Variants in MGAT4C observed in about 807,000 individuals in gnomAD.
MGAT4C encodes alpha-1,3-mannosyl-glycoprotein 4-beta-N-acetylglucosaminyltransferase C.
A neutral mutation model predicts 40.1 loss-of-function variants in MGAT4C; 19 were observed. The ratio of observed to expected loss-of-function variants is 0.47; its 90% CI spans 0.33 to 0.70. The LOEUF (loss-of-function observed/expected upper bound fraction) is 0.70, where lower values mean the gene tolerates loss of function less well. MGAT4C is among the 30% of genes least tolerant of loss of function. MGAT4C has a pLI of 0.02. For missense variants in MGAT4C, 491 were observed against 563.2 expected (o/e 0.87, Z 1.30); for synonymous variants, 181 against 187.1 (o/e 0.97, Z 0.27).
intron 2 of MGAT4C, among the ~76,000 whole-genome samples, chr12:86,474,769 G>A (rs1012939146): frequency 1.3e-5 from 2 of 151,986 alleles, no homozygotes; most frequent in African/African-American, 2.4e-5. Context: ...GATTAATGGC[G>A]AATTCAATGC....
intron 1 of MGAT4C, among the ~76,000 whole-genome samples, chr12:86,181,561 C>A (rs1279194180): frequency 6.6e-6 from 1 of 152,086 alleles, no homozygotes; most frequent in African/African-American, 2.4e-5. Context: ...GCTCAAGGAT[C>A]CTAAGTATAT....
At chr12:86,791,200 T>A (rs1346337843) in intron 1 of MGAT4C, among the ~76,000 whole-genome samples, 2 of 151,966 alleles carry the variant, frequency 1.3e-5, no homozygotes, top group Non-Finnish European at 2.9e-5. Flanking sequence ...CAAAAACAGG[T>A]GCCAAAAATT....
intron 2 of MGAT4C, among the ~76,000 whole-genome samples, chr12:86,664,798 A>C (rs896449007): frequency 6.6e-6 from 1 of 152,194 alleles, no homozygotes; most frequent in Non-Finnish European, 1.5e-5. Context: ...ATAGAAAAAA[A>C]CAATTCCGGT....
intron 2 of MGAT4C, among the ~76,000 whole-genome samples, chr12:86,699,621 C>T (rs1012328251): frequency 6.6e-6 from 1 of 151,920 alleles, no homozygotes; most frequent in Non-Finnish European, 1.5e-5. Context: ...GTTTTGATAC[C>T]CCATAAACTT....
intron 2 of MGAT4C, among the ~76,000 whole-genome samples, chr12:86,603,772 A>ATAC (rs1281772944): frequency 8.1e-5 from 6 of 73,892 alleles, no homozygotes; most frequent in African/African-American, 2.6e-4. Context: ...TAGTATAATT[A>ATAC]TATATACTAT....
intron 2 of MGAT4C, among the ~76,000 whole-genome samples, chr12:86,675,002 A>G (rs1038397780): frequency 3.9e-5 from 6 of 152,152 alleles, no homozygotes; most frequent in African/African-American, 1.4e-4. Context: ...TTTTACCTTC[A>G]TTATAACATA....
chr12:86,760,998 A>C (rs1274425695), intron 1 of MGAT4C, among the ~76,000 whole-genome samples: 2 of 152,214 alleles, frequency 1.3e-5, no homozygotes, highest in African/African-American at 4.8e-5. Context: ...GGGTATGTTC[A>C]CTATCTTAAT....
intron 1 of MGAT4C, among the ~76,000 whole-genome samples, chr12:86,221,941 AC>A (rs1950894669): frequency 6.6e-6 from 1 of 152,240 alleles, no homozygotes; most frequent in South Asian, 2.1e-4. Context: ...ACAAACATAC[AC>A]ACATATAAGA....
chr12:86,684,987 C>T (rs1462991133), intron 2 of MGAT4C, among the ~76,000 whole-genome samples: 8 of 151,928 alleles, frequency 5.3e-5, no homozygotes, highest in African/African-American at 1.9e-4. Context: ...CTGTATGTTG[C>T]CTGTTCACCC....
intron 2 of MGAT4C, among the ~76,000 whole-genome samples, chr12:86,618,069 T>C (rs1962513339): frequency 6.6e-6 from 1 of 152,180 alleles, no homozygotes; most frequent in Non-Finnish European, 1.5e-5. Context: ...TCAACAGGTA[T>C]ATTTAAAAAT....
intron 2 of MGAT4C, among the ~76,000 whole-genome samples, chr12:86,033,909 A>T (rs1479785757): frequency 6.7e-6 from 1 of 148,246 alleles, no homozygotes; most frequent in Non-Finnish European, 1.5e-5. Flanking sequence ...GATGGCTCTT[A>T]TTTTTTTAAT....
intron 1 of MGAT4C, among the ~76,000 whole-genome samples, chr12:86,113,465 G>A (rs977635029): frequency 4.6e-5 from 7 of 151,538 alleles, no homozygotes; most frequent in African/African-American, 1.7e-4. Context: ...TTATATTCAA[G>A]GATGGAAACT....
At chr12:86,565,693 C>T (rs1960060848) in intron 2 of MGAT4C, among the ~76,000 whole-genome samples, 1 of 152,210 alleles carries the variant, frequency 6.6e-6, no homozygotes, top group Non-Finnish European at 1.5e-5. Context: ...TGTGGATGGA[C>T]CTCTCTGAGT....
intron 2 of MGAT4C, among the ~76,000 whole-genome samples, chr12:86,599,019 A>G (rs1961653288): frequency 6.6e-6 from 1 of 152,178 alleles, no homozygotes; most frequent in Non-Finnish European, 1.5e-5. Flanking sequence ...TTTGAGGAAT[A>G]CACAATATAC....
intron 1 of MGAT4C, among the ~76,000 whole-genome samples, chr12:86,227,090 T>G (rs544699418): frequency 1.3e-5 from 2 of 152,028 alleles, no homozygotes; most frequent in South Asian, 4.1e-4. Flanking sequence ...CTTTAAAAAT[T>G]TTTTCCAGAC....
chr12:86,576,661 T>C lies in MGAT4C; in HGVS notation c.-228-141396A>G, dbSNP rs79540654. On this transcript the variant is annotated intron_variant, in intron 2 of 7. Coordinates refer to the MGAT4C transcript ENST00000548651. ...TCTGGATTTGTGTTTGAGTTCTCTG[T>C]TCTGTTCCACTGGTCTATGTGTCTG... Among the ~76,000 whole-genome samples the C allele has an allele frequency of 5.7e-3, 870 of 152,074 alleles. 4 individuals are homozygous for C. The highest frequency in any genetic ancestry group is 8.6e-3 in the Non-Finnish European group (582 of 67,930).
chr12:86,533,926 T>C (rs1452974950), intron 2 of MGAT4C, among the ~76,000 whole-genome samples: 1 of 151,992 alleles, frequency 6.6e-6, no homozygotes, highest in East Asian at 1.9e-4. Flanking sequence ...AAGCAGACTC[T>C]TTGTAGCAAT....
intron 2 of MGAT4C, among the ~76,000 whole-genome samples, chr12:86,519,058 G>T (rs543986881): frequency 6.6e-6 from 1 of 152,248 alleles, no homozygotes; most frequent in African/African-American, 2.4e-5. Flanking sequence ...GGCGGAGATT[G>T]TCTGAAAAGA....
intron 2 of MGAT4C, among the ~76,000 whole-genome samples, chr12:86,692,792 A>T (rs1378379650): frequency 6.6e-6 from 1 of 152,154 alleles, no homozygotes; most frequent in East Asian, 1.9e-4. Context: ...CCCTGAGAAG[A>T]GGATAGTCTT....
Sources: allele counts gnomAD v4.1 joint callset (sites outside exome capture counted in the v4.1 genomes callset), GRCh38; gene constraint gnomAD v4.1.1; transcripts MANE v1.5; gene names NCBI Gene and HGNC (gene_info 2026-07-23, HGNC 2026-07-21).